The following NSUN4 variants were observed in gnomAD, a reference collection of about 807,000 sequenced individuals.
The protein encoded by NSUN4 is 5-cytosine rRNA methyltransferase NSUN4.
NSUN4 carries 31 observed loss-of-function variants against 43.8 expected under a neutral mutation model. The ratio of observed to expected loss-of-function variants is 0.71; its 90% CI spans 0.53 to 0.96. The LOEUF is 0.96. NSUN4 is among the 40% of genes least tolerant of loss of function. The pLI, the probability that NSUN4 is intolerant of heterozygous loss-of-function variation, is 0.00. For synonymous variants in NSUN4, 167 were observed against 184.1 expected, an observed-to-expected ratio of 0.91 and a Z score of 0.75; for missense variants, 439 against 475.6, an observed-to-expected ratio of 0.92 and a Z score of 0.72.
rs1223724128 is a variant in NSUN4 at position 46,363,570 on chromosome 1, A to G, written c.*1724A>G. On this transcript the variant is annotated 3_prime_UTR_variant, in exon 6 of 6. Transcript: ENST00000474844. ...AACAGTTTATCTGCTGTAATTGAAC[A>G]TTCAGCTACCCTATAACCCAGTTAA... 6.6e-6 allele frequency: 1 copy of G among 152,372 alleles called. No individual in the cohort carries two copies. Among genetic ancestry groups the G allele is most frequent in the African/African-American group, 2.4e-5 (1 of 41,472 alleles). The allele number at this position is 152,372 out of a possible 1,614,324, so 9.4% of individuals were successfully genotyped here. A position where few individuals can be genotyped will look rare whatever the true frequency, so the allele number is the denominator to read the frequency against.
chr1:46,341,441 C>G (rs1383006038), intron 1 of NSUN4: 1 of 1,010,008 alleles, frequency 9.9e-7, no homozygotes, highest in Non-Finnish European at 1.2e-6. Context: ...CTCTGGCGAC[C>G]GGGCAAGGTT....
intron 1 of NSUN4, chr1:46,343,616 G>T (rs1180549930): frequency 7.5e-6 from 3 of 399,594 alleles, no homozygotes; most frequent in Non-Finnish European, 1.3e-5. Flanking sequence ...GGAGCAAGAG[G>T]CATCATCTGA....
At chr1:46,349,420 G>A (rs1369513685) in intron 3 of NSUN4, among the ~76,000 whole-genome samples, 3 of 152,200 alleles carry the variant, frequency 2.0e-5, no homozygotes, top group African/African-American at 4.8e-5. Flanking sequence ...GATTACAGGC[G>A]TGAGCCACCG....
intron 1 of NSUN4, chr1:46,342,664 C>A: frequency 2.5e-6 from 1 of 399,322 alleles, no homozygotes. Context: ...TTCCCTTCAC[C>A]CCTGGGCAAC....
chr1:46,344,297 A>G (rs1293367595), intron 1 of NSUN4: 1 of 159,282 alleles, frequency 6.3e-6, no homozygotes, highest in Non-Finnish European at 1.4e-5. Context: ...GACGCTAGGT[A>G]AGTTACCCAC....
intron 4 of NSUN4, among the ~76,000 whole-genome samples, chr1:46,355,262 C>A (rs960713686): frequency 6.6e-6 from 1 of 152,140 alleles, no homozygotes; most frequent in African/African-American, 2.4e-5. Flanking sequence ...TAAACACATC[C>A]GTTGATGGGT....
intron 1 of NSUN4, chr1:46,341,780 C>A: frequency 8.1e-7 from 1 of 1,232,348 alleles, no homozygotes; most frequent in Non-Finnish European, 1.0e-6. Context: ...AGCAGTTCAG[C>A]ATTCCGGGGT....
intron 4 of NSUN4, among the ~76,000 whole-genome samples, chr1:46,359,261 AAAAC>A (rs1173501481): frequency 6.6e-6 from 1 of 152,126 alleles, no homozygotes; most frequent in Non-Finnish European, 1.5e-5. Flanking sequence ...CTCCATCCCA[AAAAC>A]AAACAAACAA....
Position 46,364,130 on chromosome 1 carries a change from C to CAA in NSUN4, c.*2284_*2285insAA, listed in dbSNP as rs1330585240. The CAA allele has an allele frequency of 7.3e-6, 1 of 136,612 alleles. No homozygotes were observed. Among genetic ancestry groups the CAA allele is most frequent in the Non-Finnish European group, 1.5e-5 (1 of 64,538 alleles). The allele number at this position is 136,612 out of a possible 1,614,324, so 8.5% of individuals were successfully genotyped here. Reference sequence around the variant, plus strand: ...ATCAGCTTGGACAATGTAGTGAGACCTGGTCTTTACCAAAAAAAAAAAAAA... The same window carrying CAA: ...ATCAGCTTGGACAATGTAGTGAGACCAATGGTCTTTACCAAAAAAAAAAAAAA... On this transcript the variant is annotated 3_prime_UTR_variant, in exon 6 of 6. Transcript: ENST00000474844.
the NSUN4 span, among the ~76,000 whole-genome samples, chr1:46,374,890 GA>G: frequency 0.22 from 30,725 of 138,278 alleles, 3,781 homozygotes; most frequent in Non-Finnish European, 0.3. Context: ...CCCGTCTCTG[GA>G]AAAAAAAAAA....
chr1:46,359,547 C>T (rs1311997585), intron 4 of NSUN4, among the ~76,000 whole-genome samples: 1 of 135,206 alleles, frequency 7.4e-6, no homozygotes, highest in Non-Finnish European at 1.6e-5. Context: ...CCACGCCCGG[C>T]TAAATTTTTT....
rs1663879430 is a variant in NSUN4, at chr1:46,361,620, G to A, written c.929G>A (p.Cys310Tyr). 1 of 1,614,162 alleles carries A rather than the reference G, an allele frequency of 6.2e-7. No homozygotes were observed. The highest frequency in any genetic ancestry group is 8.5e-7 in the Non-Finnish European group (1 of 1,180,030). Residue 310 changes from cysteine (C) to tyrosine (Y), a missense_variant, in exon 6 of 6, where the codon TGC becomes TAC. Coordinates refer to ENST00000474844, the MANE Select transcript of NSUN4 (RefSeq NM_199044.4). ...GGAGGCCATGTTGTCTATTCTACCT[G>A]CTCACTCTCACACTTACAGAACGAG... ...KPGGHVVYST[C>Y]SLSHLQNEYV...
intron 3 of NSUN4, among the ~76,000 whole-genome samples, chr1:46,350,706 T>C (rs576141794): frequency 6.6e-6 from 1 of 151,396 alleles, no homozygotes; most frequent in Non-Finnish European, 1.5e-5. Context: ...ATTTATCTCT[T>C]ACATAAGAGA....
At chr1:46,367,507 G>A (rs947009535), downstream of NSUN4, among the ~76,000 whole-genome samples, 1 of 152,002 alleles carries the variant, frequency 6.6e-6, no homozygotes, top group Admixed American at 6.6e-5. Flanking sequence ...CTATTTTTAT[G>A]GTGTGTTTTT....
rs1332357500 is a variant in NSUN4 at position 46,361,654 on chromosome 1, G to A, written c.963G>A (p.Val321=). Residue 321 remains valine (V), a synonymous_variant, in exon 6 of 6, where the codon GTG becomes GTA. Transcript: ENST00000474844. The part of the protein sequence containing the change: ...SLSHLQNEYV[V]QGAIELLANQ... ...CACACTTACAGAACGAGTATGTGGT[G>A]CAAGGTGCCATTGAGCTCCTGGCCA... 5 of 1,614,068 alleles carry A rather than the reference G, an allele frequency of 3.1e-6. No homozygotes were observed. The African/African-American group carries it at 5.3e-5, about 17-fold the overall frequency.
chr1:46,341,466 G>T (rs1662100252), intron 1 of NSUN4: 2 of 1,017,352 alleles, frequency 2.0e-6, no homozygotes, highest in Admixed American at 5.8e-5. Context: ...CGACCACCCT[G>T]TCCATACTGC....
At chr1:46,366,727 A>AAAAAAG (rs1553178523), downstream of NSUN4, among the ~76,000 whole-genome samples, 33 of 127,888 alleles carry the variant, frequency 2.6e-4, no homozygotes, top group Non-Finnish European at 5.2e-4. Flanking sequence ...AAAAAAAAAA[A>AAAAAAG]AAGTGGGTAG....
At chr1:46,357,038 T>C (rs1663431705) in intron 4 of NSUN4, among the ~76,000 whole-genome samples, 1 of 152,244 alleles carries the variant, frequency 6.6e-6, no homozygotes, top group African/African-American at 2.4e-5. Context: ...TATTTATGAC[T>C]GACATCCATG....
chr1:46,367,023 A>C (rs535708559), downstream of NSUN4, among the ~76,000 whole-genome samples: 74 of 152,266 alleles, frequency 4.9e-4, no homozygotes, highest in South Asian at 0.015. Context: ...AAGACAAAAA[A>C]CACCATAGCA....
Sources: allele counts gnomAD v4.1 joint callset (sites outside exome capture counted in the v4.1 genomes callset), GRCh38; gene constraint gnomAD v4.1.1; transcripts MANE v1.5; gene names NCBI Gene and HGNC (gene_info 2026-07-23, HGNC 2026-07-21).